ZNF730: variants seen among roughly 807,000 people sequenced by gnomAD.
ZNF730 encodes putative zinc finger protein 730.
ZNF730 carries 12 observed loss-of-function variants against 12.6 expected under a neutral mutation model. The ratio of observed to expected loss-of-function variants is 0.95; its 90% CI spans 0.61 to 1.54. The LOEUF is 1.54. Among genes scored for constraint, ZNF730 ranks in the 40% most tolerant of loss-of-function variants. ZNF730 has a pLI of 0.00. For synonymous variants in ZNF730, 194 were observed against 195.8 expected (o/e 0.99, Z 0.08); for missense variants, 643 against 583.5 (o/e 1.10, Z -1.05).
At chr19:23,097,529 T>C (rs1970273465) in intron 1 of ZNF730, among the ~76,000 whole-genome samples, 1 of 152,172 alleles carries the variant, frequency 6.6e-6, no homozygotes, top group African/African-American at 2.4e-5. Flanking sequence ...TTGTGACATA[T>C]TGCAGTGCCC....
At chr19:23,085,952 T>C (rs900584945) in intron 1 of ZNF730, among the ~76,000 whole-genome samples, 1 of 147,998 alleles carries the variant, frequency 6.8e-6, no homozygotes, top group Non-Finnish European at 1.5e-5. Flanking sequence ...TTCAAGCAAT[T>C]CTCTGCTTCA....
chr19:23,116,364 CTCTTTTCTT>C (rs1203791661), upstream of ZNF730, among the ~76,000 whole-genome samples: 1 of 131,856 alleles, frequency 7.6e-6, no homozygotes, highest in Non-Finnish European at 1.7e-5. Flanking sequence ...TTTTCTTTCT[CTCTTTTCTT>C]TCTTTCTTTT....
chr19:23,100,218 C>T (rs1438899378), intron 1 of ZNF730: 3 of 152,144 alleles, frequency 2.0e-5, no homozygotes, highest in African/African-American at 4.8e-5. Flanking sequence ...TTGTGACATA[C>T]CCCGGCCCAG....
intron 1 of ZNF730, among the ~76,000 whole-genome samples, chr19:23,117,638 C>T (rs1970548504): frequency 6.6e-6 from 1 of 152,116 alleles, no homozygotes; most frequent in Non-Finnish European, 1.5e-5. Flanking sequence ...GTAGAGCACC[C>T]AGTTATGGGG....
At chr19:23,077,386 T>A (rs1458128429) in intron 1 of ZNF730, among the ~76,000 whole-genome samples, 1 of 150,566 alleles carries the variant, frequency 6.6e-6, no homozygotes, top group Non-Finnish European at 1.5e-5. Flanking sequence ...GTAGGTTTTT[T>A]AAAAATTTAG....
intron 1 of ZNF730, among the ~76,000 whole-genome samples, chr19:23,102,652 A>G (rs774083757): frequency 2.7e-4 from 41 of 151,794 alleles, no homozygotes; most frequent in Admixed American, 7.2e-4. Flanking sequence ...CACACCACCA[A>G]TCCCGGCTAA....
chr19:23,110,100 G>C (rs1295313474), intron 1 of ZNF730, among the ~76,000 whole-genome samples: 3 of 140,222 alleles, frequency 2.1e-5, no homozygotes, highest in Non-Finnish European at 4.6e-5. Flanking sequence ...CCAAGTAGCT[G>C]AGATTACAGG....
At chr19:23,121,576 G>A (rs554609872) in intron 1 of ZNF730, among the ~76,000 whole-genome samples, 25 of 152,214 alleles carry the variant, frequency 1.6e-4, no homozygotes, top group African/African-American at 5.3e-4. Context: ...TCCTGACCTC[G>A]TGATCCACCT....
rs1437695919 is a variant in ZNF730 at position 23,110,504 on chromosome 19, C to T, written c.-93-23576C>T. 2.7e-5 allele frequency among the ~76,000 whole-genome samples: 4 copies of T among 147,718 alleles called. No homozygotes were observed. The East Asian group carries it at 8.1e-4, about 30-fold the overall frequency. On this transcript the variant is annotated intron_variant, in intron 1 of 2. Coordinates refer to the ZNF730 transcript ENST00000593635. ...GTTGATCAGGCTGGATGGTCTCGAA[C>T]TTCTGACCTTGGGTGATCCACCCGC...
intron 3 of ZNF730, among the ~76,000 whole-genome samples, chr19:23,144,559 G>T (rs560785461): frequency 6.6e-6 from 1 of 152,006 alleles, no homozygotes; most frequent in African/African-American, 2.4e-5. Flanking sequence ...AATTAGCTGG[G>T]CGTGGTGGCA....
At chr19:23,130,877 T>A (rs1970736087) in intron 1 of ZNF730, among the ~76,000 whole-genome samples, 1 of 152,118 alleles carries the variant, frequency 6.6e-6, no homozygotes, top group Admixed American at 6.6e-5. Context: ...ATTTACCCCT[T>A]TTGAAGGCCT....
chr19:23,135,960 C>G lies in ZNF730; in HGVS notation c.143C>G (p.Ser48Ter). ...TTTCATAAAACAGGTATTGCTGTCTCAAAGCCAGACCTGATCACCTGTCTG... is the reference window on the plus strand; with the variant it reads ...TTTCATAAAACAGGTATTGCTGTCTGAAAGCCAGACCTGATCACCTGTCTG... ...RNLVFLGIAV[S>*]KPDLITCLEQ... Residue 48 changes from serine to a stop codon, truncating the protein, a stop_gained, in exon 3 of 4, where the codon TCA (serine) becomes TGA (stop). Coordinates refer to ENST00000597761, the MANE Select transcript of ZNF730 (RefSeq NM_001277403.2). LOFTEE classifies it high-confidence loss of function. 1 of 1,609,568 alleles carries G rather than the reference C, an allele frequency of 6.2e-7. No individual in the cohort carries two copies. The highest frequency in any genetic ancestry group is 8.5e-7 in the Non-Finnish European group (1 of 1,177,932).
chr19:23,145,434 T>C lies in ZNF730; in HGVS notation c.390T>C (p.Tyr130=), dbSNP rs959423600. 2 of 1,579,804 alleles carry C rather than the reference T, an allele frequency of 1.3e-6. No homozygotes were observed. Among genetic ancestry groups the C allele is most frequent in the African/African-American group, 2.7e-5 (2 of 73,706 alleles). ...VDEFKMHKKG[Y]NRHNQCLTTS... The stretch of plus-strand genomic sequence containing the variant: ...AGTTTAAGATGCACAAAAAAGGTTA[T>C]AATAGACATAACCAGTGTTTGACAA... Residue 130 remains tyrosine, a synonymous_variant, in exon 4 of 4, where the codon TAT becomes TAC. Coordinates refer to ENST00000597761, the MANE Select transcript of ZNF730 (RefSeq NM_001277403.2).
At chr19:23,118,366 GT>G (rs3841327) in intron 1 of ZNF730, among the ~76,000 whole-genome samples, 35 of 139,426 alleles carry the variant, frequency 2.5e-4, no homozygotes, top group Middle Eastern at 3.8e-3. Flanking sequence ...TTTGTTTTTT[GT>G]TTTTTTTTTT....
At chr19:23,097,446 G>T (rs1430750712) in intron 1 of ZNF730, among the ~76,000 whole-genome samples, 1 of 151,906 alleles carries the variant, frequency 6.6e-6, no homozygotes, top group African/African-American at 2.4e-5. Flanking sequence ...CATACATCCT[G>T]CCCGGAAGAA....
rs2145473101 is a variant in ZNF730 at position 23,087,759 on chromosome 19, G to A, written c.-94+12372G>A. Among the ~76,000 whole-genome samples the A allele has an allele frequency of 1.3e-5, 2 of 151,568 alleles. 1 individual carries two copies. Among genetic ancestry groups the A allele is most frequent in the South Asian group, 4.2e-4 (2 of 4,778 alleles). The stretch of plus-strand genomic sequence containing the variant: ...GCCTCCCAAGTAGCTGGGATTACAG[G>A]CATGCGCCACCACGCCTGGCTAATT... On this transcript the variant is annotated intron_variant, in intron 1 of 2. Transcript: ENST00000593635.
Position 23,117,072 on chromosome 19 carries a change from T to C in ZNF730, c.-102T>C. The C allele has an allele frequency of 1.3e-6, 2 of 1,584,758 alleles. No homozygotes were observed. The highest frequency in any genetic ancestry group is 2.2e-5 in the South Asian group (2 of 89,874). ...GAAGCTCCAATTTTCGTCTGTCTGC[T>C]TTGTGTCCTCTGCACGTAGAAGCCC... is the stretch of plus-strand genomic sequence containing the variant. On this transcript the variant is annotated 5_prime_UTR_variant, in exon 1 of 4. Transcript: ENST00000597761.
rs751762563 is a variant in ZNF730 at position 23,133,352 on chromosome 19, TG to T, written c.4-727del. Among the ~76,000 whole-genome samples, 349 of 152,306 alleles carry T rather than the reference TG, an allele frequency of 2.3e-3. 2 individuals are homozygous for T. The highest frequency in any genetic ancestry group is 6.8e-3 in the Middle Eastern group (2 of 294). On this transcript the variant is annotated intron_variant, in intron 1 of 3. Transcript: ENST00000597761. ...GTTTTTTTTGTTTTTTTTTTGTTTT[TG>T]TTTTTTTGAGACAGTTTCACTCTTA...
Position 23,084,158 on chromosome 19 carries a change from C to T in ZNF730, c.-94+8771C>T, listed in dbSNP as rs1336785441. Among the ~76,000 whole-genome samples, 9 of 152,076 alleles carry T rather than the reference C, an allele frequency of 5.9e-5. 1 individual carries two copies. The highest frequency in any genetic ancestry group is 5.9e-5 in the Non-Finnish European group (4 of 68,016). ...TGTATGGATATTTGATTTTCCCTGC[C>T]ATTTGTTGAAGAGATTGTCTTTTCC... is the stretch of plus-strand genomic sequence containing the variant. On this transcript the variant is annotated intron_variant, in intron 1 of 2. Coordinates refer to the ZNF730 transcript ENST00000593635.
Sources: allele counts gnomAD v4.1 joint callset (sites outside exome capture counted in the v4.1 genomes callset), GRCh38; gene constraint gnomAD v4.1.1; transcripts MANE v1.5; gene names NCBI Gene and HGNC (gene_info 2026-07-23, HGNC 2026-07-21).